MAGI2: variants seen among roughly 807,000 people sequenced by gnomAD.
MAGI2 encodes membrane associated guanylate kinase, WW and PDZ domain containing 2, also known as membrane-associated guanylate kinase, WW and PDZ domain-containing protein 2.
MAGI2 carries 35 observed loss-of-function variants against 133.3 expected under a neutral mutation model. That is an observed-to-expected ratio of 0.26 (90% confidence interval 0.20 to 0.35). The LOEUF (loss-of-function observed/expected upper bound fraction) is 0.35. Among genes scored for constraint, MAGI2 ranks in the 10% least tolerant of loss-of-function variants. The probability of loss-of-function intolerance (pLI) is 1.00; values close to 1 mark genes in which losing one functional copy is unlikely to be tolerated. For missense variants in MAGI2, 1,636 were observed against 1,863.4 expected (o/e 0.88, Z 2.25); for synonymous variants, 729 against 710.6 (o/e 1.03, Z -0.41).
chr7:78,096,326 TTCC>T (rs1277190854), intron 20 of MAGI2, among the ~76,000 whole-genome samples: 2 of 152,222 alleles, frequency 1.3e-5, no homozygotes, highest in East Asian at 3.8e-4. Flanking sequence ...AAATCTCAGT[TTCC>T]TCCTCTGAGA....
intron 1 of MAGI2, among the ~76,000 whole-genome samples, chr7:79,238,249 C>A (rs1283551123): frequency 6.6e-6 from 1 of 152,016 alleles, no homozygotes; most frequent in East Asian, 1.9e-4. Context: ...ATTATTCTTA[C>A]TTCCATTTGT....
chr7:79,103,526 T>A (rs1818172294), intron 1 of MAGI2, among the ~76,000 whole-genome samples: 1 of 151,746 alleles, frequency 6.6e-6, no homozygotes, highest in Non-Finnish European at 1.5e-5. Context: ...GAAAAAGGGG[T>A]CATAAGGTGA....
intron 6 of MAGI2, among the ~76,000 whole-genome samples, chr7:78,426,636 A>T (rs958537846): frequency 6.6e-6 from 1 of 152,020 alleles, no homozygotes; most frequent in Admixed American, 6.6e-5. Flanking sequence ...AAAAAAAAAG[A>T]AATGAACAGA....
intron 9 of MAGI2, among the ~76,000 whole-genome samples, chr7:78,284,155 T>C (rs1795910354): frequency 6.6e-6 from 1 of 152,090 alleles, no homozygotes; most frequent in South Asian, 2.1e-4. Context: ...GTGACACCAC[T>C]TACCTACAAA....
At chr7:78,580,138 TATG>T (rs949861810) in intron 3 of MAGI2, among the ~76,000 whole-genome samples, 3 of 152,242 alleles carry the variant, frequency 2.0e-5, no homozygotes, top group Non-Finnish European at 2.9e-5. Flanking sequence ...GTGTGAATTT[TATG>T]ATGAGATGCT....
At chr7:78,927,398 C>T (rs1008292842) in intron 2 of MAGI2, among the ~76,000 whole-genome samples, 16 of 151,968 alleles carry the variant, frequency 1.1e-4, no homozygotes, top group Non-Finnish European at 2.4e-4. Flanking sequence ...TTATGAATAG[C>T]TGGTTCAAGT....
chr7:78,674,349 A>C (rs368834920), intron 2 of MAGI2, among the ~76,000 whole-genome samples: 4 of 152,222 alleles, frequency 2.6e-5, no homozygotes, highest in African/African-American at 7.2e-5. Flanking sequence ...AGGTGGAAGG[A>C]ATTTCAAATA....
chr7:78,966,197 A>G (rs1207290034), intron 2 of MAGI2, among the ~76,000 whole-genome samples: 2 of 152,130 alleles, frequency 1.3e-5, no homozygotes, highest in South Asian at 2.1e-4. Context: ...AATGTTTACC[A>G]TGAGATCTAT....
intron 2 of MAGI2, among the ~76,000 whole-genome samples, chr7:78,839,864 A>G (rs545034673): frequency 6.6e-6 from 1 of 152,174 alleles, no homozygotes; most frequent in East Asian, 1.9e-4. Flanking sequence ...TACCCTAAAA[A>G]GTCTGGTCTT....
intron 2 of MAGI2, among the ~76,000 whole-genome samples, chr7:78,632,457 G>A (rs1395245917): frequency 6.6e-6 from 1 of 152,186 alleles, no homozygotes; most frequent in Non-Finnish European, 1.5e-5. Flanking sequence ...CACTACCCAG[G>A]TGAGTGTTAG....
At chr7:78,382,896 A>G (rs1340447050) in intron 6 of MAGI2, among the ~76,000 whole-genome samples, 1 of 152,116 alleles carries the variant, frequency 6.6e-6, no homozygotes. Flanking sequence ...CACGTAAGAT[A>G]ATGACCTCAA....
At chr7:78,452,479 C>G (rs1788830933) in intron 6 of MAGI2, among the ~76,000 whole-genome samples, 1 of 151,810 alleles carries the variant, frequency 6.6e-6, no homozygotes, top group Non-Finnish European at 1.5e-5. Context: ...ACTATACTAT[C>G]TATGTGCTAA....
chr7:78,107,359 G>T (rs1183038279), intron 20 of MAGI2, among the ~76,000 whole-genome samples: 1 of 152,024 alleles, frequency 6.6e-6, no homozygotes, highest in South Asian at 2.1e-4. Flanking sequence ...TATAAATATA[G>T]AATTTTTTCC....
At chr7:78,185,959 T>C (rs1359911093) in intron 12 of MAGI2, among the ~76,000 whole-genome samples, 1 of 152,170 alleles carries the variant, frequency 6.6e-6, no homozygotes, top group Non-Finnish European at 1.5e-5. Context: ...AAGTTTTGAT[T>C]TTCATTATAA....
intron 1 of MAGI2, among the ~76,000 whole-genome samples, chr7:79,155,963 C>A (rs969240075): frequency 1.3e-5 from 2 of 152,006 alleles, no homozygotes; most frequent in African/African-American, 2.4e-5. Context: ...TTGGAGTCAC[C>A]CTGAATGCTA....
At chr7:78,432,616 C>T (rs562013874) in intron 6 of MAGI2, among the ~76,000 whole-genome samples, 86 of 152,110 alleles carry the variant, frequency 5.7e-4, no homozygotes, top group Admixed American at 4.3e-3. Context: ...AATAATCAAT[C>T]ACCTCTGGTA....
intron 1 of MAGI2, among the ~76,000 whole-genome samples, chr7:79,280,611 T>G (rs1290221739): frequency 4.6e-5 from 7 of 151,946 alleles, no homozygotes. Flanking sequence ...AAAAGATGAC[T>G]CAAGAAGACA....
At chr7:78,508,094 T>G (rs1301578406) in intron 4 of MAGI2, among the ~76,000 whole-genome samples, 1 of 152,212 alleles carries the variant, frequency 6.6e-6, no homozygotes, top group Non-Finnish European at 1.5e-5. Flanking sequence ...GTATTTTCCC[T>G]GTGTGCACAT....
At chr7:79,081,459 TATACA>T (rs1816029736) in intron 1 of MAGI2, among the ~76,000 whole-genome samples, 1 of 152,176 alleles carries the variant, frequency 6.6e-6, no homozygotes. Flanking sequence ...TTTGGTTACC[TATACA>T]TCATCACTAG....
Sources: gnomAD v4.1 joint callset for allele counts (sites outside exome capture counted in the v4.1 genomes callset) on GRCh38, gnomAD v4.1.1 for gene constraint, MANE v1.5 for transcripts, NCBI Gene and HGNC (gene_info 2026-07-23, HGNC 2026-07-21) for gene names.